Variants in ADAM19 observed in about 807,000 individuals in gnomAD.
ADAM19 encodes the protein disintegrin and metalloproteinase domain-containing protein 19.
In ADAM19, 65 loss-of-function variants were observed where a neutral mutation model predicts 114.7. The ratio of observed to expected loss-of-function variants is 0.57; its 90% CI spans 0.46 to 0.70. ADAM19 has a LOEUF of 0.70. Ranked by LOEUF, ADAM19 falls within the 30% of genes least tolerant of loss-of-function variation. The probability of loss-of-function intolerance (pLI) is 0.00; values close to 1 mark genes in which losing one functional copy is unlikely to be tolerated. For synonymous variants in ADAM19, 466 were observed against 460.5 expected, an observed-to-expected ratio of 1.01 and a Z score of -0.15; for missense variants, 1,063 against 1,204.7, an observed-to-expected ratio of 0.88 and a Z score of 1.74.
intron 10 of ADAM19, among the ~76,000 whole-genome samples, chr5:157,506,364 T>C (rs189452985): frequency 4.1e-4 from 63 of 152,346 alleles, no homozygotes; most frequent in Non-Finnish European, 5.0e-4. Flanking sequence ...TCCTGCATTA[T>C]TTCATTTAAT....
intron 7 of ADAM19, 60 bp from the exon 8 acceptor site, chr5:157,513,565 G>A (rs946679696): frequency 3.2e-5 from 47 of 1,453,850 alleles, no homozygotes; most frequent in African/African-American, 2.4e-4. Context: ...TGCTTCCTGC[G>A]CCCCATTACT....
chr5:157,502,356 T>C (rs1312898758), intron 12 of ADAM19, among the ~76,000 whole-genome samples: 1 of 152,206 alleles, frequency 6.6e-6, no homozygotes, highest in Non-Finnish European at 1.5e-5. Context: ...CAGCACTTCC[T>C]ACATCCCCTT....
rs760247470 is a variant in ADAM19, at chr5:157,527,296, C to T, written c.407+3511G>A. 2.6e-5 allele frequency among the ~76,000 whole-genome samples: 4 copies of T among 151,906 alleles called. No individual in the cohort carries two copies. The East Asian group carries it at 7.8e-4, about 29-fold the overall frequency. On this transcript the variant is annotated intron_variant, in intron 5 of 22. Transcript: ENST00000257527. ...TGCGATTTCAGCTCACTGCAAGCTC[C>T]GCCTCCCGGGTTCACGCCATTCTCC...
intron 1 of ADAM19, 25 bp from the exon 2 acceptor site, chr5:157,571,005 T>C (rs758081026): frequency 1.9e-5 from 30 of 1,609,362 alleles, no homozygotes; most frequent in Admixed American, 1.2e-4. Flanking sequence ...TGCAAAACCA[T>C]TGGAATCCCA....
chr5:157,485,321 C>A (rs1328312145), intron 21 of ADAM19, among the ~76,000 whole-genome samples: 1 of 152,164 alleles, frequency 6.6e-6, no homozygotes, highest in Non-Finnish European at 1.5e-5. Flanking sequence ...ATAATACACA[C>A]AGAAAAAGGC....
In ADAM19 at chr5:157,491,863, C is replaced by A. The variant is rs778063164; in HGVS notation, c.1958G>T (p.Gly653Val). The change falls in exon 17 of 23, where the codon GGC (glycine) becomes GTC (valine). Residue 653 changes from glycine to valine, a missense_variant. Gly to Val is a moderately radical substitution (Grantham distance 109). This residue lies in a region of ADAM19 where 424 missense variants were observed against 445.5 expected (regional missense o/e 0.95). Coordinates refer to ENST00000257527, the MANE Select transcript of ADAM19 (RefSeq NM_033274.5). ...CRNTSFFETEGCGKKCNGHGV... is the reference protein window; with the variant it reads ...CRNTSFFETEVCGKKCNGHGV... The stretch of plus-strand genomic sequence containing the variant: ...ATGGCCATTGCACTTCTTCCCACAG[C>A]CTTCAGTTTCAAAGAAGGAGGTGTT... The A allele has an allele frequency of 1.2e-6, 2 of 1,614,108 alleles. No homozygotes were observed. The highest frequency in any genetic ancestry group is 8.5e-7 in the Non-Finnish European group (1 of 1,180,054).
chr5:157,491,973 A>C, intron 16 of ADAM19, 61 bp from the exon 17 acceptor site: 1 of 1,574,488 alleles, frequency 6.4e-7, no homozygotes, highest in Non-Finnish European at 8.7e-7. Context: ...GGGAGTTAGG[A>C]GGCAAGATTT....
chr5:157,490,275 A>T, intron 19 of ADAM19, 35 bp downstream of exon 19: 1 of 1,611,332 alleles, frequency 6.2e-7, no homozygotes, highest in Non-Finnish European at 8.5e-7. Context: ...TGACCCATAA[A>T]TTGACCCTGA....
chr5:157,499,766 A>ACT, intron 12 of ADAM19, 104 bp from the exon 13 acceptor site: 4 of 653,998 alleles, frequency 6.1e-6, no homozygotes, highest in African/African-American at 2.0e-5. Context: ...CTCTCTAGCA[A>ACT]CTATCTCTTT....
chr5:157,543,650 T>C (rs960156413), intron 3 of ADAM19, among the ~76,000 whole-genome samples: 2 of 152,182 alleles, frequency 1.3e-5, no homozygotes, highest in South Asian at 2.1e-4. Context: ...CATTGTTAAA[T>C]CTAGGTAATG....
At position 157,499,619 on chromosome 5, in the gene ADAM19, C is replaced by T. The variant is rs1424063673; in HGVS notation, c.1352G>A (p.Arg451Lys). 6.2e-7 allele frequency: 1 copy of T among 1,613,462 alleles called. No homozygotes were observed. The change falls in exon 13 of 23, where the codon AGG becomes AAG. Residue 451 changes from arginine to lysine, a missense_variant. Transcript: ENST00000257527. ...GCCGTGAGCACACTCCGCCCCCGGC[C>T]TCAGGGTACAATTAGAGGCATTGCA... is the stretch of plus-strand genomic sequence containing the variant. ...PCCNASNCTL[R>K]PGAECAHGSC...
At chr5:157,550,759 T>A (rs80241345) in intron 3 of ADAM19, among the ~76,000 whole-genome samples, 2,113 of 151,890 alleles carry the variant, frequency 0.014, 44 homozygotes, top group African/African-American at 0.048. Context: ...CTCAATGGTG[T>A]GTTTGGGAAA....
intron 13 of ADAM19, among the ~76,000 whole-genome samples, chr5:157,498,707 T>G: frequency 6.7e-6 from 1 of 149,902 alleles, no homozygotes; most frequent in African/African-American, 2.4e-5. Context: ...TATATATATA[T>G]ATATGGATAT....
Position 157,575,741 on chromosome 5 carries a change from A to G in ADAM19, c.-45T>C, listed in dbSNP as rs1168602184. The G allele has an allele frequency of 2.4e-6, 3 of 1,243,462 alleles. No homozygotes were observed. The highest frequency in any genetic ancestry group is 3.0e-6 in the Non-Finnish European group (3 of 988,308). The allele number at this position is 1,243,462 out of a possible 1,614,324, so 77.0% of individuals were successfully genotyped here. On this transcript the variant is annotated 5_prime_UTR_variant, in exon 1 of 23. An upstream start codon of the reference 5' UTR is lost. Coordinates refer to ENST00000257527, the MANE Select transcript of ADAM19 (RefSeq NM_033274.5). ...GCTCGGCGCTCACACGCCCTCAGCC[A>G]TACCTGCCCACTGCCCGGCGGTGGA...
chr5:157,524,366 G>A (rs1479090470), intron 5 of ADAM19, among the ~76,000 whole-genome samples: 1 of 152,360 alleles, frequency 6.6e-6, no homozygotes, highest in East Asian at 1.9e-4. Context: ...TTAAGAGATG[G>A]ATACAAATGA....
At position 157,566,920 on chromosome 5, in the gene ADAM19, A is replaced by G. The variant is rs568343631; in HGVS notation, c.181-2477T>C. On this transcript the variant is annotated intron_variant, in intron 2 of 22. Transcript: ENST00000257527. Reference sequence around the variant, plus strand: ...CTCCTGGGCTCATGTGATCCTCCCAACTCAGCCTCCCAAAGTGTTGGTATT... The same window carrying G: ...CTCCTGGGCTCATGTGATCCTCCCAGCTCAGCCTCCCAAAGTGTTGGTATT... Among the ~76,000 whole-genome samples, 4 of 152,142 alleles carry G rather than the reference A, an allele frequency of 2.6e-5. No individual in the cohort carries two copies. The East Asian group carries it at 5.8e-4, about 22-fold the overall frequency.
At chr5:157,519,703 TA>T in intron 6 of ADAM19, 135 bp downstream of exon 6, 1 of 833,754 alleles carries the variant, frequency 1.2e-6, no homozygotes, top group Non-Finnish European at 1.8e-6. Flanking sequence ...AATGACAGAA[TA>T]AAAGAAAAAC....
Position 157,496,991 on chromosome 5 carries a change from G to A in ADAM19, c.1497C>T (p.Tyr499=), listed in dbSNP as rs1219416376. 2.5e-6 allele frequency: 4 copies of A among 1,597,792 alleles called. No homozygotes were observed. In the South Asian group the frequency reaches 4.5e-5, roughly 18 times the overall value. The change falls in exon 14 of 23, where the codon TAC becomes TAT. Residue 499 remains tyrosine, a synonymous_variant. Transcript: ENST00000257527. ...GKSPHCPTNF[Y]QMDGTPCEGG... ...CCTCACAGGGGGTACCATCCATCTG[G>A]TAGAAGTTGGTAGGGCAGTGGGGAG...
chr5:157,502,414 G>A (rs898235466), intron 12 of ADAM19, among the ~76,000 whole-genome samples: 7 of 152,144 alleles, frequency 4.6e-5, no homozygotes, highest in Non-Finnish European at 8.8e-5. Context: ...GTTATTTTAA[G>A]CATCCTCATA....
Sources: allele counts gnomAD v4.1 joint callset (sites outside exome capture counted in the v4.1 genomes callset), GRCh38; gene constraint gnomAD v4.1.1; regional missense constraint gnomAD v4.1.1; transcripts MANE v1.5; gene names NCBI Gene and HGNC (gene_info 2026-07-23, HGNC 2026-07-21).